The following CNEP1R1 variants were observed in gnomAD, a reference collection of about 807,000 sequenced individuals.
The protein encoded by CNEP1R1 is nuclear envelope phosphatase-regulatory subunit 1.
In CNEP1R1, 10 loss-of-function variants were observed where a neutral mutation model predicts 22.7. The ratio of observed to expected loss-of-function variants is 0.44; its 90% CI spans 0.27 to 0.75. CNEP1R1 has a LOEUF of 0.75. CNEP1R1 is among the 30% of genes least tolerant of loss of function. The pLI, the probability that CNEP1R1 is intolerant of heterozygous loss-of-function variation, is 0.17. For synonymous variants in CNEP1R1, 53 were observed against 50.1 expected (o/e 1.06, Z -0.25); for missense variants, 73 against 151.5 (o/e 0.48, Z 2.72).
intron 3 of CNEP1R1, among the ~76,000 whole-genome samples, chr16:50,032,913 G>C (rs2036243610): frequency 1.3e-5 from 2 of 152,034 alleles, no homozygotes; most frequent in African/African-American, 4.8e-5. Context: ...GGTGAGGCAG[G>C]AGAATTGCTT....
chr16:50,035,629 C>T lies in CNEP1R1; in HGVS notation c.*171C>T, dbSNP rs1217242737. On this transcript the variant is annotated 3_prime_UTR_variant, in exon 6 of 6. Transcript: ENST00000427478. ...TATCTTGATGATGGTGACTCATTAT[C>T]AGTGCTTTGGTACTTTTGATTACCT... 7.1e-6 allele frequency: 4 copies of T among 566,522 alleles called. No homozygotes were observed. The highest frequency in any genetic ancestry group is 1.2e-5 in the Non-Finnish European group (4 of 320,754). The allele number at this position is 566,522 out of a possible 1,614,324, so 35.1% of individuals were successfully genotyped here. A position where few individuals can be genotyped will look rare whatever the true frequency, so the allele number is the denominator to read the frequency against.
chr16:50,034,118 C>G lies in CNEP1R1; in HGVS notation c.298C>G (p.Arg100Gly). 6.3e-7 allele frequency: 1 copy of G among 1,594,228 alleles called. No homozygotes were observed. Among genetic ancestry groups the G allele is most frequent in the Non-Finnish European group, 8.6e-7 (1 of 1,169,334 alleles). Reference sequence around the variant, plus strand: ...TGTATTCAGTATAGCTGCTCGATGTCGAACGGTATTAGCAGAATACAATAT... The same window carrying G: ...TGTATTCAGTATAGCTGCTCGATGTGGAACGGTATTAGCAGAATACAATAT... The part of the protein sequence containing the change: ...VAPSIIAARC[R>G]TVLAEYNMSC... The change falls in exon 5 of 6, where the codon CGA becomes GGA. Residue 100 changes from arginine to glycine, a missense_variant. By Grantham distance (125) the Arg-to-Gly change is moderately radical. Transcript: ENST00000427478.
intron 2 of CNEP1R1, chr16:50,026,831 G>A (rs1018564969): frequency 5.5e-6 from 1 of 183,032 alleles, no homozygotes; most frequent in Non-Finnish European, 1.2e-5. Flanking sequence ...GAAATTAGCC[G>A]GTCGTGGTGA....
chr16:50,025,872 C>T (rs757004995), intron 1 of CNEP1R1: 1 of 605,342 alleles, frequency 1.7e-6, no homozygotes, highest in Non-Finnish European at 2.9e-6. Context: ...GAATGTCTTT[C>T]CACACCCACT....
chr16:50,032,282 A>G (rs1027347610), intron 3 of CNEP1R1, among the ~76,000 whole-genome samples: 6 of 152,150 alleles, frequency 3.9e-5, no homozygotes, highest in East Asian at 1.9e-4. Flanking sequence ...TCTCCAGTCA[A>G]CGTTTCCATT....
intron 1 of CNEP1R1, 171 bp downstream of exon 1, chr16:50,025,511 C>A (rs916036122): frequency 9.4e-7 from 1 of 1,065,092 alleles, no homozygotes; most frequent in Admixed American, 2.3e-5. Flanking sequence ...ACGCGGGGGG[C>A]GGTGCCTCAG....
chr16:50,033,842 C>T (rs556953643), intron 4 of CNEP1R1, among the ~76,000 whole-genome samples: 3 of 141,168 alleles, frequency 2.1e-5, no homozygotes, highest in Admixed American at 7.1e-5. Flanking sequence ...CCAGCCTGGG[C>T]GACAGAGCAA....
At chr16:50,025,495 G>T in intron 1 of CNEP1R1, 155 bp downstream of exon 1, 5 of 1,093,224 alleles carry the variant, frequency 4.6e-6, no homozygotes, top group Non-Finnish European at 6.5e-6. Context: ...GGCCGTACCT[G>T]GCCAGACGCG....
chr16:50,025,789 C>T, intron 1 of CNEP1R1: 1 of 1,125,510 alleles, frequency 8.9e-7, no homozygotes, highest in Non-Finnish European at 1.3e-6. Context: ...AGCTTAGACG[C>T]CCCTGTCTTC....
chr16:50,032,742 C>T (rs1202861719), intron 3 of CNEP1R1, among the ~76,000 whole-genome samples: 4 of 152,240 alleles, frequency 2.6e-5, no homozygotes, highest in Admixed American at 6.5e-5. Flanking sequence ...TGGTGGTTCA[C>T]GCCTGTAATC....
chr16:50,025,370 G>C, intron 1 of CNEP1R1, 30 bp downstream of exon 1: 2 of 1,430,708 alleles, frequency 1.4e-6, no homozygotes, highest in Non-Finnish European at 1.8e-6. Context: ...CCCGTCCCCC[G>C]TCTCCCCTCG....
At chr16:50,034,305 T>C in intron 5 of CNEP1R1, 149 bp downstream of exon 5, 1 of 601,790 alleles carries the variant, frequency 1.7e-6, no homozygotes, top group East Asian at 2.9e-5. Context: ...TAAGGTACTT[T>C]TACATTTAAC....
rs779233705 is a variant in CNEP1R1 at position 50,035,495 on chromosome 16, T to A, written c.*37T>A. The stretch of plus-strand genomic sequence containing the variant: ...CATTGTTATGGGACTTAAAATAGCC[T>A]TTCTTCGAATAAGTGATACAGCAAA... On this transcript the variant is annotated 3_prime_UTR_variant, in exon 6 of 6. Coordinates refer to ENST00000427478, the MANE Select transcript of CNEP1R1 (RefSeq NM_001281789.2). 2.7e-6 allele frequency: 4 copies of A among 1,458,358 alleles called. No individual in the cohort carries two copies. The highest frequency in any genetic ancestry group is 3.8e-6 in the Non-Finnish European group (4 of 1,056,522). The allele number at this position is 1,458,358 out of a possible 1,614,324, so 90.3% of individuals were successfully genotyped here. A position where few individuals can be genotyped will look rare whatever the true frequency, so the allele number is the denominator to read the frequency against.
intron 2 of CNEP1R1, among the ~76,000 whole-genome samples, chr16:50,029,005 C>A (rs1490908395): frequency 6.6e-6 from 1 of 152,158 alleles, no homozygotes; most frequent in Non-Finnish European, 1.5e-5. Context: ...AAAATGTATG[C>A]ATCCTAGCTG....
At chr16:50,033,101 C>T (rs1233100715) in intron 3 of CNEP1R1, among the ~76,000 whole-genome samples, 2 of 151,632 alleles carry the variant, frequency 1.3e-5, no homozygotes, top group Non-Finnish European at 2.9e-5. Context: ...ATGCAGAGTT[C>T]AGTAAATATT....
rs1377088150 is a variant in CNEP1R1 at position 50,025,298 on chromosome 16, C to T, written c.-18C>T. On this transcript the variant is annotated 5_prime_UTR_variant, in exon 1 of 6. Transcript: ENST00000427478. ...GATGCGGACAGGGCAGCGGCGGTGA[C>T]CCGAGCTGCCGCCCGACATGAACTC... The T allele has an allele frequency of 5.6e-6, 8 of 1,428,252 alleles. No individual in the cohort carries two copies. The East Asian group carries it at 1.6e-4, about 29-fold the overall frequency. The allele number at this position is 1,428,252 out of a possible 1,614,324, so 88.5% of individuals were successfully genotyped here.
rs548812208 is a variant in CNEP1R1 at position 50,029,825 on chromosome 16, G to A, written c.171+27G>A. 15 of 1,373,550 alleles carry A rather than the reference G, an allele frequency of 1.1e-5. 1 individual carries two copies. In the South Asian group the frequency reaches 1.5e-4, roughly 14 times the overall value. 85.1% of individuals were successfully genotyped at this position (1,373,550 alleles called of 1,614,324 possible). On this transcript the variant is annotated intron_variant, in intron 3 of 5. Coordinates refer to ENST00000427478, the MANE Select transcript of CNEP1R1 (RefSeq NM_001281789.2). Reference sequence around the variant, plus strand: ...TAGAAGTTTTGTTTTAAAATCATTAGCATAATTAAATGAGATAATGGATAT... The same window carrying A: ...TAGAAGTTTTGTTTTAAAATCATTAACATAATTAAATGAGATAATGGATAT...
intron 3 of CNEP1R1, among the ~76,000 whole-genome samples, chr16:50,030,812 T>C (rs2036224956): frequency 6.6e-6 from 1 of 152,226 alleles, no homozygotes. Context: ...TCCCAACATT[T>C]ATCTCTGAAA....
chr16:50,035,748 A>AGTT lies in CNEP1R1; in HGVS notation c.*290_*291insGTT, dbSNP rs1338053816. 4 of 299,116 alleles carry AGTT rather than the reference A, an allele frequency of 1.3e-5. No individual in the cohort carries two copies. The highest frequency in any genetic ancestry group is 8.7e-5 in the African/African-American group (4 of 46,210). The allele number at this position is 299,116 out of a possible 1,614,324, so 18.5% of individuals were successfully genotyped here. ...GTATGTTACTAAGTTAAACTTAGAA[A>AGTT]CAGAACCTCATTCAGTTTTTATAAT... is the stretch of plus-strand genomic sequence containing the variant. On this transcript the variant is annotated 3_prime_UTR_variant, in exon 6 of 6. Coordinates refer to ENST00000427478, the MANE Select transcript of CNEP1R1 (RefSeq NM_001281789.2).
Sources: allele counts gnomAD v4.1 joint callset (sites outside exome capture counted in the v4.1 genomes callset), GRCh38; gene constraint gnomAD v4.1.1; transcripts MANE v1.5; gene names NCBI Gene and HGNC (gene_info 2026-07-23, HGNC 2026-07-21).